The following IL1RAPL2 variants were observed in gnomAD, a reference collection of about 807,000 sequenced individuals.
IL1RAPL2 encodes interleukin 1 receptor accessory protein like 2.
A neutral mutation model predicts 44.1 loss-of-function variants in IL1RAPL2; 3 were observed. That is an observed-to-expected ratio of 0.07 (90% CI 0.03 to 0.18). IL1RAPL2 has a LOEUF of 0.18. Ranked by LOEUF, IL1RAPL2 falls within the 10% of genes least tolerant of loss-of-function variation. The pLI is 1.00. For synonymous variants in IL1RAPL2, 181 were observed against 178.8 expected (o/e 1.01, Z -0.10); for missense variants, 391 against 496.4 (o/e 0.79, Z 2.02).
At chrX:104,796,436 G>A (rs896336426) in intron 2 of IL1RAPL2, among the ~76,000 whole-genome samples, 8 of 112,195 alleles carry the variant, frequency 7.1e-5, no homozygotes, top group Non-Finnish European at 1.5e-4. Flanking sequence ...GAGGGTTGGC[G>A]GTGGTAGAGA....
intron 2 of IL1RAPL2, among the ~76,000 whole-genome samples, chrX:104,842,325 G>T (rs1450622622): frequency 9.1e-6 from 1 of 110,138 alleles, no homozygotes; most frequent in Non-Finnish European, 1.9e-5. Context: ...CCTTGCATTG[G>T]GTTAGAACAT....
chrX:104,764,905 C>T (rs953822739), intron 2 of IL1RAPL2, among the ~76,000 whole-genome samples: 28 of 111,983 alleles, frequency 2.5e-4, no homozygotes, highest in African/African-American at 7.4e-4. Context: ...GGGATAAATC[C>T]CACTTGGTCA....
At chrX:104,924,044 T>TAA (rs57049694) in intron 2 of IL1RAPL2, among the ~76,000 whole-genome samples, 5,515 of 97,226 alleles carry the variant, frequency 0.057, 169 homozygotes, top group Admixed American at 0.1. Flanking sequence ...ATAACAATAG[T>TAA]AAAAAAAAAA....
rs918824336 is a variant in IL1RAPL2 at position 105,302,485 on chromosome X, T to C, written c.697+34944T>C. ...ATGAATCCTGCCAGGACTTGGTTCT[T>C]CCCTTCAAGGAAGCTGATTCTTTCA... On this transcript the variant is annotated intron_variant, in intron 5 of 10. Transcript: ENST00000372582. Among the ~76,000 whole-genome samples, 4 of 112,067 alleles carry C rather than the reference T, an allele frequency of 3.6e-5. No homozygotes were observed. The Admixed American group carries it at 3.8e-4, about 11-fold the overall frequency.
At chrX:105,755,097 T>G in intron 9 of IL1RAPL2, 80 bp from the exon 10 acceptor site, 2 of 588,047 alleles carry the variant, frequency 3.4e-6, no homozygotes, top group East Asian at 3.4e-5. Flanking sequence ...GGTCACTAAT[T>G]ATTGTGCTAT....
At chrX:105,212,137 G>A (rs1228344147) in intron 3 of IL1RAPL2, among the ~76,000 whole-genome samples, 3 of 111,906 alleles carry the variant, frequency 2.7e-5, no homozygotes, top group African/African-American at 9.8e-5. Context: ...CCTGGAAAGG[G>A]GGCTGAAGCC....
At chrX:105,455,253 G>A (rs1012809942) in intron 5 of IL1RAPL2, among the ~76,000 whole-genome samples, 1 of 112,078 alleles carries the variant, frequency 8.9e-6, no homozygotes, top group Non-Finnish European at 1.9e-5. Flanking sequence ...TGCAAAAATT[G>A]TCTCCCATTC....
In IL1RAPL2 at chrX:105,397,880, CT is replaced by C. The variant is rs35429926; in HGVS notation, c.698-86424del. Among the ~76,000 whole-genome samples, 171 of 109,595 alleles carry C rather than the reference CT, an allele frequency of 1.6e-3. 1 individual carries two copies. The highest frequency in any genetic ancestry group is 5.4e-3 in the African/African-American group (164 of 30,261). On this transcript the variant is annotated intron_variant, in intron 5 of 10. Coordinates refer to ENST00000372582, the MANE Select transcript of IL1RAPL2 (RefSeq NM_017416.2). ...ATGCTTCTTCTCTCCCCCACTTACT[CT>C]TTTTTTTTCCCCAATTTTCCATCCT...
At chrX:105,216,590 A>G (rs1210642594) in intron 3 of IL1RAPL2, among the ~76,000 whole-genome samples, 1 of 111,481 alleles carries the variant, frequency 9.0e-6, no homozygotes, top group Non-Finnish European at 1.9e-5. Flanking sequence ...TGAATTAGAA[A>G]AAAAAAAACT....
intron 5 of IL1RAPL2, among the ~76,000 whole-genome samples, chrX:105,280,770 AAAC>A (rs1416405492): frequency 1.8e-5 from 2 of 111,110 alleles, no homozygotes; most frequent in Non-Finnish European, 1.9e-5. Flanking sequence ...AAAAGTCAGG[AAAC>A]AACAGATGCT....
intron 2 of IL1RAPL2, among the ~76,000 whole-genome samples, chrX:104,910,591 A>G (rs907425853): frequency 1.8e-5 from 2 of 111,545 alleles, no homozygotes; most frequent in Non-Finnish European, 3.8e-5. Flanking sequence ...TTCCTAATGT[A>G]TTTTAAATAC....
intron 6 of IL1RAPL2, among the ~76,000 whole-genome samples, chrX:105,564,519 G>C (rs2147808128): frequency 8.9e-6 from 1 of 112,301 alleles, no homozygotes; most frequent in East Asian, 2.8e-4. Context: ...TGATAACAAG[G>C]ATTTTTCCCC....
intron 3 of IL1RAPL2, among the ~76,000 whole-genome samples, chrX:105,210,129 A>T (rs2033796657): frequency 1.8e-5 from 2 of 111,353 alleles, no homozygotes; most frequent in South Asian, 7.7e-4. Context: ...TGTCTAACAG[A>T]CACAAAGGCA....
At chrX:104,636,192 G>A (rs893613103) in intron 1 of IL1RAPL2, among the ~76,000 whole-genome samples, 4 of 111,777 alleles carry the variant, frequency 3.6e-5, no homozygotes, top group Non-Finnish European at 5.6e-5. Context: ...CTGCCTGGTC[G>A]TTCCTCTGGA....
chrX:105,525,774 T>C (rs1024413508), intron 6 of IL1RAPL2, among the ~76,000 whole-genome samples: 2 of 111,417 alleles, frequency 1.8e-5, no homozygotes, highest in African/African-American at 6.5e-5. Context: ...AAAACACTTC[T>C]CTCCTTCTCT....
intron 2 of IL1RAPL2, among the ~76,000 whole-genome samples, chrX:105,170,862 G>T (rs996171498): frequency 8.9e-6 from 1 of 111,935 alleles, no homozygotes; most frequent in African/African-American, 3.2e-5. Context: ...TTTTGAAGTA[G>T]GATTCAGAAA....
In IL1RAPL2 at chrX:104,679,328, C is replaced by T. The variant is rs138576557; in HGVS notation, c.82+20333C>T. On this transcript the variant is annotated intron_variant, in intron 2 of 10. Transcript: ENST00000372582. ...TGTTAGATAAAAACACCCTTAGGGG[C>T]CTTAACAATTTGTGGCCAGAATGAC... 1.3e-4 allele frequency among the ~76,000 whole-genome samples: 14 copies of T among 111,673 alleles called. 1 individual carries two copies. Among genetic ancestry groups the T allele is most frequent in the Non-Finnish European group, 2.3e-4 (12 of 53,134 alleles).
intron 5 of IL1RAPL2, among the ~76,000 whole-genome samples, chrX:105,460,006 C>T (rs2036082240): frequency 9.0e-6 from 1 of 111,365 alleles, no homozygotes; most frequent in South Asian, 3.7e-4. Context: ...GCCACAATTC[C>T]TCCTGGAATA....
At chrX:105,173,860 G>A (rs1049828099) in intron 2 of IL1RAPL2, among the ~76,000 whole-genome samples, 2 of 109,852 alleles carry the variant, frequency 1.8e-5, no homozygotes, top group Non-Finnish European at 1.9e-5. Flanking sequence ...AGCCTCCTGC[G>A]TAGCTGGGAT....
Sources: gnomAD v4.1 joint callset for allele counts (sites outside exome capture counted in the v4.1 genomes callset) on GRCh38, gnomAD v4.1.1 for gene constraint, MANE v1.5 for transcripts, NCBI Gene and HGNC (gene_info 2026-07-23, HGNC 2026-07-21) for gene names.